Variants in MAP3K2 observed in about 807,000 individuals in gnomAD.
The protein encoded by MAP3K2 is MAP/ERK kinase kinase 2.
Under a neutral mutation model 80.3 loss-of-function variants are expected in MAP3K2, and 24 were observed. The ratio of observed to expected loss-of-function variants is 0.30; its 90% CI spans 0.22 to 0.42. The LOEUF (loss-of-function observed/expected upper bound fraction) is 0.42. Among genes scored for constraint, MAP3K2 ranks in the 10% least tolerant of loss-of-function variants. The probability of loss-of-function intolerance (pLI) is 1.00; values close to 1 mark genes in which losing one functional copy is unlikely to be tolerated. For synonymous variants in MAP3K2, 244 were observed against 253.7 expected, an observed-to-expected ratio of 0.96 and a Z score of 0.36; for missense variants, 608 against 750.1, an observed-to-expected ratio of 0.81 and a Z score of 2.21.
intron 1 of MAP3K2, among the ~76,000 whole-genome samples, chr2:127,378,704 C>T (rs1009788125): frequency 1.3e-5 from 2 of 152,106 alleles, no homozygotes; most frequent in Non-Finnish European, 2.9e-5. Context: ...AATCATACGT[C>T]TCTAGATGGA....
chr2:127,378,834 A>G (rs1277773943), intron 1 of MAP3K2, among the ~76,000 whole-genome samples: 1 of 151,732 alleles, frequency 6.6e-6, no homozygotes, highest in Non-Finnish European at 1.5e-5. Context: ...CGGCATGATC[A>G]CTCCTCACTG....
intron 13 of MAP3K2, 39 bp downstream of exon 13, chr2:127,318,122 TAAAGTTTC>T: frequency 6.9e-7 from 1 of 1,454,168 alleles, no homozygotes; most frequent in Non-Finnish European, 9.2e-7. Flanking sequence ...TAATAATGAA[TAAAGTTTC>T]TTATAATGTG....
In MAP3K2 at chr2:127,317,711, T is replaced by G. The variant is rs746252979; in HGVS notation, c.1244A>C (p.His415Pro). 8 of 1,600,802 alleles carry G rather than the reference T, an allele frequency of 5.0e-6. No individual in the cohort carries two copies. The highest frequency in any genetic ancestry group is 6.0e-6 in the Non-Finnish European group (7 of 1,172,914). The change falls in exon 14 of 17, where the codon CAT becomes CCT. Residue 415 changes from histidine to proline, a missense_variant. Around this residue, in one of 4 missense-constraint regions of MAP3K2, gnomAD observed 467 missense variants for 521.9 expected, o/e 0.89. Coordinates refer to ENST00000682094, the MANE Select transcript of MAP3K2 (RefSeq NM_001371910.2). Reference protein sequence around the residue: ...CEIQLLKNLLHERIVQYYGCL... With the variant: ...CEIQLLKNLLPERIVQYYGCL... Reference sequence around the variant, plus strand: ...GCCATAATACTGAACAATTCGCTCATGTAGCAAGTTTTTCAGCAACTGAAT... The same window carrying G: ...GCCATAATACTGAACAATTCGCTCAGGTAGCAAGTTTTTCAGCAACTGAAT...
At chr2:127,366,710 C>G (rs1261122091) in intron 1 of MAP3K2, among the ~76,000 whole-genome samples, 1 of 152,038 alleles carries the variant, frequency 6.6e-6, no homozygotes, top group Non-Finnish European at 1.5e-5. Context: ...ATCTTCACCC[C>G]ACTCCCTACC....
At chr2:127,368,063 T>A (rs202018767) in intron 1 of MAP3K2, among the ~76,000 whole-genome samples, 1 of 152,112 alleles carries the variant, frequency 6.6e-6, no homozygotes, top group South Asian at 2.1e-4. Flanking sequence ...GGCTCACGCC[T>A]GTAATCCCAG....
intron 1 of MAP3K2, among the ~76,000 whole-genome samples, chr2:127,346,273 CTCA>C (rs1686593013): frequency 6.6e-6 from 1 of 151,480 alleles, no homozygotes; most frequent in Non-Finnish European, 1.5e-5. Context: ...TCAAAATCGA[CTCA>C]TCAAGAAGAA....
rs1183887971 is a variant in MAP3K2, at chr2:127,337,785, T to C, written c.124-7A>G. 2.0e-6 allele frequency: 3 copies of C among 1,513,692 alleles called. No individual in the cohort carries two copies. Among genetic ancestry groups the C allele is most frequent in the East Asian group, 2.4e-5 (1 of 42,038 alleles). 93.8% of individuals were successfully genotyped at this position (1,513,692 alleles called of 1,614,324 possible). A position where few individuals can be genotyped will look rare whatever the true frequency, so the allele number is the denominator to read the frequency against. ...ATTTGACTCGGACATCATTCTGTAATGAAATGACAAATCAGTCTTTCAGAG... is the reference window on the plus strand; with the variant it reads ...ATTTGACTCGGACATCATTCTGTAACGAAATGACAAATCAGTCTTTCAGAG... On this transcript the variant is annotated splice_polypyrimidine_tract_variant and splice_region_variant and intron_variant, in intron 3 of 16. Transcript: ENST00000682094.
At chr2:127,361,331 A>AAAAG (rs1252315962) in intron 1 of MAP3K2, among the ~76,000 whole-genome samples, 4,017 of 149,844 alleles carry the variant, frequency 0.027, 98 homozygotes, top group Middle Eastern at 0.049. Context: ...AAAAAAAAAA[A>AAAAG]AAATTAAAAG....
In MAP3K2 at chr2:127,347,878, G is replaced by A. The variant is rs541318967; in HGVS notation, c.-65-4684C>T. Among the ~76,000 whole-genome samples the A allele has an allele frequency of 2.6e-4, 40 of 152,188 alleles. 1 individual carries two copies. Among genetic ancestry groups the A allele is most frequent in the Non-Finnish European group, 4.9e-4 (33 of 68,016 alleles). On this transcript the variant is annotated intron_variant, in intron 1 of 16. Coordinates refer to ENST00000682094, the MANE Select transcript of MAP3K2 (RefSeq NM_001371910.2). ...TGACATACTACCTCACATCCAGTAG[G>A]ATGACTATAATCAAAAAGAAAGACA...
chr2:127,385,028 T>G (rs574569916), intron 1 of MAP3K2, among the ~76,000 whole-genome samples: 16 of 152,298 alleles, frequency 1.1e-4, no homozygotes, highest in Non-Finnish European at 2.2e-4. Flanking sequence ...TTACAAAAAC[T>G]TAGTTGATAA....
chr2:127,386,901 T>C (rs1687361611), intron 1 of MAP3K2, among the ~76,000 whole-genome samples: 1 of 152,148 alleles, frequency 6.6e-6, no homozygotes, highest in Non-Finnish European at 1.5e-5. Context: ...TTCATGACCT[T>C]GGACAAATGC....
rs371426196 is a variant in MAP3K2 at position 127,375,041 on chromosome 2, CCT to C, written c.-66+12409_-66+12410del. On this transcript the variant is annotated intron_variant, in intron 1 of 16. Coordinates refer to ENST00000682094, the MANE Select transcript of MAP3K2 (RefSeq NM_001371910.2). ...GCTGTAGAAAAGCACTTTGCTAAAA[CCT>C]CTCAAGAAATAAAACCTGCAGTTTT... Among the ~76,000 whole-genome samples, 49 of 152,296 alleles carry C rather than the reference CCT, an allele frequency of 3.2e-4. No individual in the cohort carries two copies. The South Asian group carries it at 0.01, about 32-fold the overall frequency.
rs1685630204 is a variant in MAP3K2 at position 127,303,179 on chromosome 2, T to C, written c.*4400A>G. 6.6e-6 allele frequency: 1 copy of C among 152,012 alleles called. No homozygotes were observed. Among genetic ancestry groups the C allele is most frequent in the Non-Finnish European group, 1.5e-5 (1 of 67,996 alleles). The allele number at this position is 152,012 out of a possible 1,614,324, so 9.4% of individuals were successfully genotyped here. A position where few individuals can be genotyped will look rare whatever the true frequency, so the allele number is the denominator to read the frequency against. On this transcript the variant is annotated 3_prime_UTR_variant, in exon 17 of 17. Coordinates refer to ENST00000682094, the MANE Select transcript of MAP3K2 (RefSeq NM_001371910.2). ...ACATTTGTAAAACAAAGGCCAAACT[T>C]AGTAATAAAACAGTATGATCTCAAG...
At chr2:127,353,621 G>A (rs1052139114) in intron 1 of MAP3K2, among the ~76,000 whole-genome samples, 20 of 151,184 alleles carry the variant, frequency 1.3e-4, no homozygotes, top group Non-Finnish European at 2.4e-4. Flanking sequence ...GGGAGGTGGG[G>A]GGGGTCAAAC....
chr2:127,330,035 C>T (rs755836102), intron 6 of MAP3K2, 27 bp from the exon 7 acceptor site: 12 of 1,304,468 alleles, frequency 9.2e-6, no homozygotes, highest in East Asian at 2.3e-5. Flanking sequence ...ACAGTTAATG[C>T]TATTCTTCCT....
intron 1 of MAP3K2, among the ~76,000 whole-genome samples, chr2:127,350,601 C>T (rs72845992): frequency 0.063 from 9,547 of 151,870 alleles, 420 homozygotes; most frequent in African/African-American, 0.11. Flanking sequence ...GACCACCATT[C>T]AGCAATCATC....
intron 9 of MAP3K2, among the ~76,000 whole-genome samples, chr2:127,325,037 G>C (rs1054066410): frequency 6.6e-6 from 1 of 152,172 alleles, no homozygotes; most frequent in African/African-American, 2.4e-5. Context: ...CTGAACAGGT[G>C]AAATAACTCA....
chr2:127,383,462 ATTTAGTTTTCAG>A (rs1370382875), intron 1 of MAP3K2, among the ~76,000 whole-genome samples: 1 of 151,954 alleles, frequency 6.6e-6, no homozygotes, highest in Non-Finnish European at 1.5e-5. Flanking sequence ...TGCTTTCTTG[ATTTAGTTTTCAG>A]TTGGATCGTC....
In MAP3K2 at chr2:127,364,612, C is replaced by CCTTT. The variant is rs1686941093; in HGVS notation, c.-65-21422_-65-21419dup. On this transcript the variant is annotated intron_variant, in intron 1 of 16. Coordinates refer to ENST00000682094, the MANE Select transcript of MAP3K2 (RefSeq NM_001371910.2). The surrounding 1 kb of genome is among the most constrained non-coding windows in gnomAD (Gnocchi z 4.1). The stretch of plus-strand genomic sequence containing the variant: ...CATCTCTCCACTCATCACACAGTCA[C>CCTTT]CTTTCTGAAAGGATATTACCTCATA... Among the ~76,000 whole-genome samples, 3 of 152,278 alleles carry CCTTT rather than the reference C, an allele frequency of 2.0e-5. No homozygotes were observed. The South Asian group carries it at 6.2e-4, about 32-fold the overall frequency.
Sources: gnomAD v4.1 joint callset for allele counts (sites outside exome capture counted in the v4.1 genomes callset) on GRCh38, gnomAD v4.1.1 for gene constraint, gnomAD v4.1.1 regional missense constraint, Gnocchi (gnomAD v3.1) non-coding constraint, MANE v1.5 for transcripts, NCBI Gene and HGNC (gene_info 2026-07-23, HGNC 2026-07-21) for gene names.